Variants in MARCHF11 observed in about 807,000 individuals in gnomAD.
MARCHF11 encodes the protein membrane associated ring-CH-type finger 11.
Under a neutral mutation model 37.3 loss-of-function variants are expected in MARCHF11, and 29 were observed. The observed-to-expected ratio is 0.78, with a 90% confidence interval of 0.58 to 1.06. MARCHF11 has a LOEUF of 1.06. Ranked by LOEUF, MARCHF11 falls within the 50% of genes least tolerant of loss-of-function variation. The pLI is 0.00. For missense variants in MARCHF11, 482 were observed against 533.4 expected, an observed-to-expected ratio of 0.90 and a Z score of 0.95; for synonymous variants, 233 against 228.0, an observed-to-expected ratio of 1.02 and a Z score of -0.20.
intron 2 of MARCHF11, among the ~76,000 whole-genome samples, chr5:16,151,168 C>A (rs1394209598): frequency 6.6e-6 from 1 of 152,000 alleles, no homozygotes; most frequent in Non-Finnish European, 1.5e-5. Flanking sequence ...TGTCCCTGAA[C>A]AATAGGATGT....
chr5:16,108,767 A>C (rs551519389), intron 2 of MARCHF11, among the ~76,000 whole-genome samples: 52 of 152,284 alleles, frequency 3.4e-4, no homozygotes, highest in Non-Finnish European at 6.6e-4. Flanking sequence ...AGACCAGTTT[A>C]TCTCCAAGTA....
chr5:16,149,166 T>C (rs1396169945), intron 2 of MARCHF11, among the ~76,000 whole-genome samples: 3 of 152,064 alleles, frequency 2.0e-5, no homozygotes. Flanking sequence ...CCTTACCCAG[T>C]GTGGCACTAC....
rs554060267 is a variant in MARCHF11, at chr5:16,114,277, C to T, written c.694-23196G>A. ...CCTTCTTAATTCTAATATTTTATAT[C>T]GAGAGTATTTTATTTTCAAAAGAAG... On this transcript the variant is annotated intron_variant, in intron 2 of 3. Coordinates refer to ENST00000332432, the MANE Select transcript of MARCHF11 (RefSeq NM_001102562.3). Among the ~76,000 whole-genome samples the T allele has an allele frequency of 4.6e-5, 7 of 152,074 alleles. No individual in the cohort carries two copies. The East Asian group carries it at 5.8e-4, about 13-fold the overall frequency.
chr5:16,131,848 G>C (rs1420988184), intron 2 of MARCHF11, among the ~76,000 whole-genome samples: 2 of 152,206 alleles, frequency 1.3e-5, no homozygotes, highest in Non-Finnish European at 2.9e-5. Context: ...AACTTTTGCT[G>C]GTGTCTGGTG....
intron 2 of MARCHF11, among the ~76,000 whole-genome samples, chr5:16,143,583 G>A (rs1408641840): frequency 6.6e-6 from 1 of 152,244 alleles, no homozygotes; most frequent in Non-Finnish European, 1.5e-5. Context: ...ATGTGCCCTT[G>A]GAGGAGACCT....
At chr5:16,104,144 T>C (rs1211665393) in intron 2 of MARCHF11, among the ~76,000 whole-genome samples, 2 of 152,188 alleles carry the variant, frequency 1.3e-5, no homozygotes, top group Non-Finnish European at 2.9e-5. Flanking sequence ...TTCTCGACCC[T>C]TTCTCTTCCT....
intron 2 of MARCHF11, among the ~76,000 whole-genome samples, chr5:16,120,022 C>G (rs1331983241): frequency 6.6e-6 from 1 of 152,230 alleles, no homozygotes; most frequent in African/African-American, 2.4e-5. Context: ...AGGACATGAG[C>G]AGAGGCCTGT....
At chr5:16,120,740 T>C (rs932410242) in intron 2 of MARCHF11, among the ~76,000 whole-genome samples, 2 of 152,174 alleles carry the variant, frequency 1.3e-5, no homozygotes, top group African/African-American at 4.8e-5. Flanking sequence ...ACCAGTATAA[T>C]GTGGCAGAGG....
chr5:16,072,046 G>T (rs1303455553), intron 3 of MARCHF11, among the ~76,000 whole-genome samples: 1 of 151,914 alleles, frequency 6.6e-6, no homozygotes, highest in African/African-American at 2.4e-5. Flanking sequence ...TGCAAGCTCC[G>T]CCTCCCAGGT....
At chr5:16,160,443 T>G (rs994663642) in intron 2 of MARCHF11, among the ~76,000 whole-genome samples, 13 of 147,520 alleles carry the variant, frequency 8.8e-5, no homozygotes, top group Non-Finnish European at 1.9e-4. Context: ...ATATAAAATA[T>G]CTTTTATATT....
intron 3 of MARCHF11, among the ~76,000 whole-genome samples, chr5:16,085,975 A>T (rs1454702565): frequency 2.8e-5 from 4 of 143,346 alleles, no homozygotes; most frequent in Non-Finnish European, 4.5e-5. Context: ...AAAAAAAAAA[A>T]AATCTTATTA....
intron 2 of MARCHF11, among the ~76,000 whole-genome samples, chr5:16,164,098 T>A (rs1441049995): frequency 6.6e-6 from 1 of 152,086 alleles, no homozygotes; most frequent in Non-Finnish European, 1.5e-5. Flanking sequence ...CAATGTCTGT[T>A]ATTTATTAAA....
Position 16,089,025 on chromosome 5 carries a change from C to A in MARCHF11, c.886+1864G>T, listed in dbSNP as rs148043359. Among the ~76,000 whole-genome samples the A allele has an allele frequency of 1.3e-3, 201 of 151,904 alleles. 4 individuals are homozygous for A. Among genetic ancestry groups the A allele is most frequent in the African/African-American group, 4.6e-3 (189 of 41,418 alleles). On this transcript the variant is annotated intron_variant, in intron 3 of 3. Transcript: ENST00000332432. ...CTCTTGAAACCAGAACTGTAATAAT[C>A]TTGATCAAAATATTAATATTAGTCA...
At chr5:16,101,002 C>T (rs1185682666) in intron 2 of MARCHF11, among the ~76,000 whole-genome samples, 1 of 151,622 alleles carries the variant, frequency 6.6e-6, no homozygotes, top group African/African-American at 2.4e-5. Context: ...GACTGACTTG[C>T]AAGTATTAAT....
chr5:16,072,131 C>T (rs182516852), intron 3 of MARCHF11, among the ~76,000 whole-genome samples: 89 of 152,160 alleles, frequency 5.8e-4, no homozygotes, highest in African/African-American at 1.8e-3. Context: ...TTTTAAACAA[C>T]CTTACAGTTG....
chr5:16,111,838 G>T (rs544732619), intron 2 of MARCHF11, among the ~76,000 whole-genome samples: 2 of 152,318 alleles, frequency 1.3e-5, no homozygotes, highest in Admixed American at 1.3e-4. Context: ...AGACCCCCAT[G>T]ATGTGTGCAG....
At chr5:16,078,571 A>C (rs2126547734) in intron 3 of MARCHF11, among the ~76,000 whole-genome samples, 1 of 152,266 alleles carries the variant, frequency 6.6e-6, no homozygotes, top group South Asian at 2.1e-4. Context: ...CATTTAGAAG[A>C]ATGGTCATGT....
At chr5:16,087,137 A>G (rs1413879066) in intron 3 of MARCHF11, among the ~76,000 whole-genome samples, 1 of 152,238 alleles carries the variant, frequency 6.6e-6, no homozygotes, top group Non-Finnish European at 1.5e-5. Context: ...CTCCCCAGAT[A>G]TAATCTCTTT....
chr5:16,150,545 G>A (rs1399119313), intron 2 of MARCHF11, among the ~76,000 whole-genome samples: 1 of 149,302 alleles, frequency 6.7e-6, no homozygotes, highest in Non-Finnish European at 1.5e-5. Context: ...TAGTGAGTTG[G>A]AGGTGGCCTT....
Sources: allele counts gnomAD v4.1 joint callset (sites outside exome capture counted in the v4.1 genomes callset), GRCh38; gene constraint gnomAD v4.1.1; transcripts MANE v1.5; gene names NCBI Gene and HGNC (gene_info 2026-07-23, HGNC 2026-07-21).